Variants in SYN3 observed in about 807,000 individuals in gnomAD.
SYN3 encodes synapsin III.
SYN3 carries 35 observed loss-of-function variants against 65.8 expected under a neutral mutation model. The ratio of observed to expected loss-of-function variants is 0.53; its 90% CI spans 0.41 to 0.70. SYN3 has a LOEUF of 0.70. Ranked by LOEUF, SYN3 falls within the 30% of genes least tolerant of loss-of-function variation. The pLI is 0.00. For synonymous variants in SYN3, 270 were observed against 292.9 expected (o/e 0.92, Z 0.80); for missense variants, 680 against 749.0 (o/e 0.91, Z 1.08).
At chr22:32,803,650 C>G (rs1330120972) in intron 6 of SYN3, among the ~76,000 whole-genome samples, 1 of 152,202 alleles carries the variant, frequency 6.6e-6, no homozygotes, top group Non-Finnish European at 1.5e-5. Context: ...TCCACTTACC[C>G]TTTCCCTCCT....
chr22:32,530,832 G>A (rs1265984261), intron 10 of SYN3, among the ~76,000 whole-genome samples: 3 of 151,728 alleles, frequency 2.0e-5, no homozygotes, highest in Non-Finnish European at 2.9e-5. Context: ...GTGAAACCCC[G>A]TCTCTACTAA....
chr22:32,945,198 G>T (rs953382816), intron 3 of SYN3, among the ~76,000 whole-genome samples: 1 of 152,100 alleles, frequency 6.6e-6, no homozygotes. Context: ...CTACTTTAAA[G>T]TTCATATGGA....
intron 7 of SYN3, among the ~76,000 whole-genome samples, chr22:32,592,168 G>T (rs1056875877): frequency 1.6e-4 from 24 of 152,224 alleles, no homozygotes; most frequent in African/African-American, 5.5e-4. Context: ...GACATTTTGG[G>T]GCAGTACAAT....
Position 32,508,806 on chromosome 22 carries a change from A to G in SYN3, c.*4886T>C. On this transcript the variant is annotated 3_prime_UTR_variant, in exon 14 of 14. Coordinates refer to ENST00000358763, the MANE Select transcript of SYN3 (RefSeq NM_003490.4). ...ATGTCCTGAACACCTGCTGGGTGCC[A>G]AGCAATGTGCTCTGAGCTTCACTCT... Among the ~76,000 whole-genome samples, 1 of 152,230 alleles carries G rather than the reference A, an allele frequency of 6.6e-6. No individual in the cohort carries two copies. The highest frequency in any genetic ancestry group is 1.9e-4 in the East Asian group (1 of 5,202).
At chr22:32,542,592 C>A (rs2058274280) in intron 7 of SYN3, among the ~76,000 whole-genome samples, 1 of 146,414 alleles carries the variant, frequency 6.8e-6, no homozygotes, top group Non-Finnish European at 1.5e-5. Flanking sequence ...GTGTGTTGTA[C>A]ATGTGGTATA....
intron 6 of SYN3, among the ~76,000 whole-genome samples, chr22:32,824,157 A>G (rs2047335654): frequency 1.3e-5 from 2 of 151,946 alleles, no homozygotes; most frequent in Admixed American, 6.6e-5. Context: ...GCACATCTGA[A>G]GTCCCAGCTA....
At chr22:32,980,605 A>G (rs1185575426) in intron 3 of SYN3, 40 bp downstream of exon 3, 4 of 1,597,848 alleles carry the variant, frequency 2.5e-6, no homozygotes, top group Non-Finnish European at 3.4e-6. Flanking sequence ...AGCGGCAGAA[A>G]AGGTCAGTTG....
chr22:32,859,379 C>A (rs151254004), intron 6 of SYN3: 1 of 1,607,938 alleles, frequency 6.2e-7, no homozygotes. Context: ...GACCCCTGAG[C>A]GCCAGACCCT....
At chr22:32,970,555 A>G (rs1250899903) in intron 3 of SYN3, among the ~76,000 whole-genome samples, 3 of 152,116 alleles carry the variant, frequency 2.0e-5, no homozygotes, top group African/African-American at 7.2e-5. Context: ...TCTCAAAAAA[A>G]AAAAGAAAAA....
At chr22:32,929,269 C>G (rs759484935) in intron 4 of SYN3, among the ~76,000 whole-genome samples, 1 of 152,018 alleles carries the variant, frequency 6.6e-6, no homozygotes, top group Non-Finnish European at 1.5e-5. Flanking sequence ...GCAACAAGAG[C>G]GAAACTCCAT....
intron 12 of SYN3, among the ~76,000 whole-genome samples, chr22:32,524,177 C>G (rs1186403392): frequency 2.0e-5 from 3 of 152,220 alleles, no homozygotes; most frequent in Non-Finnish European, 4.4e-5. Context: ...AGCAAGTTAT[C>G]CAGAAGAACT....
chr22:32,659,040 G>A lies in SYN3; in HGVS notation c.712-62304C>T, dbSNP rs951812038. Reference sequence around the variant, plus strand: ...ATAGATGAGGAAATGAAGGCACAGGGAATTAAGTGATTTCCTTAAGGTCAC... The same window carrying A: ...ATAGATGAGGAAATGAAGGCACAGGAAATTAAGTGATTTCCTTAAGGTCAC... On this transcript the variant is annotated intron_variant, in intron 6 of 13. Coordinates refer to ENST00000358763, the MANE Select transcript of SYN3 (RefSeq NM_003490.4). 2.6e-5 allele frequency among the ~76,000 whole-genome samples: 4 copies of A among 152,146 alleles called. No homozygotes were observed. In the South Asian group the frequency reaches 8.3e-4, roughly 32 times the overall value.
chr22:33,029,014 TGGGTGACAGAGCGA>T (rs2053700005), intron 1 of SYN3, among the ~76,000 whole-genome samples: 1 of 151,010 alleles, frequency 6.6e-6, no homozygotes, highest in Non-Finnish European at 1.5e-5. Context: ...CACTACAGCC[TGGGTGACAGAGCGA>T]GACTCTGTCT....
chr22:32,818,754 G>A (rs1310663139), intron 6 of SYN3, among the ~76,000 whole-genome samples: 1 of 152,152 alleles, frequency 6.6e-6, no homozygotes, highest in East Asian at 1.9e-4. Flanking sequence ...AAAGTCTCAG[G>A]ATAAAACTGC....
intron 6 of SYN3, among the ~76,000 whole-genome samples, chr22:32,642,160 G>A (rs890980041): frequency 6.6e-6 from 1 of 151,886 alleles, no homozygotes; most frequent in Non-Finnish European, 1.5e-5. Flanking sequence ...CGTGGTGCAA[G>A]CGCCTGTAAT....
chr22:32,521,478 A>G (rs2057880867), intron 12 of SYN3, among the ~76,000 whole-genome samples: 1 of 123,444 alleles, frequency 8.1e-6, no homozygotes, highest in Admixed American at 1.0e-4. Flanking sequence ...GGAGTCTTGC[A>G]CTATTATCCG....
At chr22:33,044,357 T>A (rs917883019) in intron 1 of SYN3, among the ~76,000 whole-genome samples, 2 of 152,200 alleles carry the variant, frequency 1.3e-5, no homozygotes, top group Non-Finnish European at 2.9e-5. Context: ...TCTGTCCACG[T>A]GGCTCTTGGA....
At chr22:32,951,792 C>T (rs1267003210) in intron 3 of SYN3, among the ~76,000 whole-genome samples, 2 of 152,162 alleles carry the variant, frequency 1.3e-5, no homozygotes, top group Admixed American at 6.5e-5. Flanking sequence ...AGAGTTGGGC[C>T]AGCTCGGACT....
In SYN3 at chr22:32,509,895, G is replaced by A. The variant is rs1439260346; in HGVS notation, c.*3797C>T. Among the ~76,000 whole-genome samples, 1 of 152,074 alleles carries A rather than the reference G, an allele frequency of 6.6e-6. No individual in the cohort carries two copies. Among genetic ancestry groups the A allele is most frequent in the Non-Finnish European group, 1.5e-5 (1 of 68,018 alleles). On this transcript the variant is annotated 3_prime_UTR_variant, in exon 14 of 14. Coordinates refer to ENST00000358763, the MANE Select transcript of SYN3 (RefSeq NM_003490.4). ...AGTGGGGAAATTATTTAAATGTGTT[G>A]GCTATAAACTAGTGTTATGTCATGG...
Sources: gnomAD v4.1 joint callset for allele counts (sites outside exome capture counted in the v4.1 genomes callset) on GRCh38, gnomAD v4.1.1 for gene constraint, MANE v1.5 for transcripts, NCBI Gene and HGNC (gene_info 2026-07-23, HGNC 2026-07-21) for gene names.